The following ZMYM4 variants were observed in gnomAD, a reference collection of about 807,000 sequenced individuals.
ZMYM4 encodes zinc finger MYM-type protein 4.
ZMYM4 carries 31 observed loss-of-function variants against 183.2 expected under a neutral mutation model. The ratio of observed to expected loss-of-function variants is 0.17; its 90% confidence interval spans 0.13 to 0.23. The LOEUF is 0.23. ZMYM4 is among the 10% of genes least tolerant of loss of function. The pLI is 1.00. For missense variants in ZMYM4, 1,273 were observed against 1,840.3 expected, an observed-to-expected ratio of 0.69 and a Z score of 5.64; for synonymous variants, 592 against 631.2, an observed-to-expected ratio of 0.94 and a Z score of 0.93.
chr1:35,305,491 G>A (rs11264133), intron 1 of ZMYM4, among the ~76,000 whole-genome samples: 9,701 of 151,792 alleles, frequency 0.064, 936 homozygotes, highest in East Asian at 0.45. Context: ...AAAGTGTTGG[G>A]ATTACAGACT....
chr1:35,386,023 T>C (rs368072006), intron 10 of ZMYM4, 51 bp from the exon 11 acceptor site: 7 of 1,304,830 alleles, frequency 5.4e-6, no homozygotes, highest in East Asian at 2.3e-5. Flanking sequence ...TCTCATACTT[T>C]TGTGTACATT....
rs963689168 is a variant in ZMYM4, at chr1:35,421,032, C to G, written c.*1355C>G. On this transcript the variant is annotated 3_prime_UTR_variant, in exon 30 of 30. Transcript: ENST00000314607. Reference sequence around the variant, plus strand: ...GGAATCAAAGCTTTTATGACGTTTGCCAATTGCAGAACTTCTTCAGCTAAG... The same window carrying G: ...GGAATCAAAGCTTTTATGACGTTTGGCAATTGCAGAACTTCTTCAGCTAAG... The G allele has an allele frequency of 2.0e-5, 3 of 152,236 alleles. No homozygotes were observed. Among genetic ancestry groups the G allele is most frequent in the African/African-American group, 4.8e-5 (2 of 41,426 alleles). 9.4% of individuals were successfully genotyped at this position (152,236 alleles called of 1,614,324 possible).
chr1:35,387,317 C>A, intron 12 of ZMYM4, 39 bp downstream of exon 12: 1 of 1,597,358 alleles, frequency 6.3e-7, no homozygotes, highest in Non-Finnish European at 8.5e-7. Flanking sequence ...TTTGAGTATA[C>A]GTGGGTCTAT....
At chr1:35,367,547 G>A (rs1305836648) in intron 5 of ZMYM4, among the ~76,000 whole-genome samples, 1 of 152,096 alleles carries the variant, frequency 6.6e-6, no homozygotes, top group East Asian at 1.9e-4. Flanking sequence ...CCTACAATTA[G>A]TTTCGTTAGG....
At chr1:35,415,383 T>C in intron 27 of ZMYM4, 83 bp from the exon 28 acceptor site, 1 of 1,552,238 alleles carries the variant, frequency 6.4e-7, no homozygotes, top group Non-Finnish European at 8.8e-7. Context: ...TCTTTATATC[T>C]CCCTGTCTTA....
intron 15 of ZMYM4, 81 bp from the exon 16 acceptor site, chr1:35,392,131 T>G (rs1183768589): frequency 6.3e-7 from 1 of 1,576,266 alleles, no homozygotes; most frequent in Non-Finnish European, 8.7e-7. Context: ...CTGAAAACAT[T>G]GTTTAACTTC....
intron 2 of ZMYM4, among the ~76,000 whole-genome samples, chr1:35,345,697 T>A (rs1643367425): frequency 6.6e-6 from 1 of 152,230 alleles, no homozygotes; most frequent in Non-Finnish European, 1.5e-5. Flanking sequence ...TCCGCCTGCC[T>A]TGGCCTCCCA....
At chr1:35,412,991 C>T (rs1009150568) in intron 26 of ZMYM4, among the ~76,000 whole-genome samples, 2 of 152,014 alleles carry the variant, frequency 1.3e-5, no homozygotes, top group Non-Finnish European at 2.9e-5. Flanking sequence ...CCTTGGATTC[C>T]GTTACTACTC....
rs1412904291 is a variant in ZMYM4 at position 35,421,426 on chromosome 1, T to C, written c.*1749T>C. On this transcript the variant is annotated 3_prime_UTR_variant, in exon 30 of 30. Coordinates refer to ENST00000314607, the MANE Select transcript of ZMYM4 (RefSeq NM_005095.3). ...ACAAATAATTGGATTGTCTGATAAG[T>C]CTGCCAATAAACTATCCAGAAATAG... 8 of 152,670 alleles carry C rather than the reference T, an allele frequency of 5.2e-5. No homozygotes were observed. Among genetic ancestry groups the C allele is most frequent in the Admixed American group, 3.3e-4 (5 of 15,284 alleles). 9.5% of individuals were successfully genotyped at this position (152,670 alleles called of 1,614,324 possible).
chr1:35,297,799 C>T (rs1394065467), intron 1 of ZMYM4, among the ~76,000 whole-genome samples: 1 of 152,192 alleles, frequency 6.6e-6, no homozygotes, highest in Non-Finnish European at 1.5e-5. Context: ...TGCTTGAGCC[C>T]TATACTCAAG....
rs780055467 is a variant in ZMYM4 at position 35,405,373 on chromosome 1, G to A, written c.3701G>A (p.Gly1234Glu). The change falls in exon 25 of 30, where the codon GGG (glycine) becomes GAG (glutamate). Residue 1234 changes from glycine (G) to glutamate (E), a missense_variant and splice_region_variant. This residue lies in a region of ZMYM4 where 133 missense variants were observed against 155.7 expected (regional missense o/e 0.85). Coordinates refer to ENST00000314607, the MANE Select transcript of ZMYM4 (RefSeq NM_005095.3). ...TCTTTTATGTTTCTCTCCTTGTCAG[G>A]GGTTGAACAGGCCTCATCTAGCCCA... ...KEEQGDLKCG[G>E]VEQASSSPRS... 1 of 1,603,486 alleles carries A rather than the reference G, an allele frequency of 6.2e-7. No individual in the cohort carries two copies. Among genetic ancestry groups the A allele is most frequent in the Non-Finnish European group, 8.5e-7 (1 of 1,177,462 alleles).
At chr1:35,337,011 A>G (rs968156192) in intron 2 of ZMYM4, among the ~76,000 whole-genome samples, 1 of 152,114 alleles carries the variant, frequency 6.6e-6, no homozygotes, top group Non-Finnish European at 1.5e-5. Flanking sequence ...CCCTTCTGTC[A>G]TAATTGTAAG....
At chr1:35,416,397 A>G (rs16837333) in intron 28 of ZMYM4, among the ~76,000 whole-genome samples, 7,287 of 152,270 alleles carry the variant, frequency 0.048, 817 homozygotes, top group East Asian at 0.43. Flanking sequence ...GAATGTGAGA[A>G]TTTAAATCAC....
At chr1:35,281,293 A>G (rs1399041277) in intron 1 of ZMYM4, among the ~76,000 whole-genome samples, 1 of 152,170 alleles carries the variant, frequency 6.6e-6, no homozygotes, top group African/African-American at 2.4e-5. Flanking sequence ...CAAAAAAAAA[A>G]AAAAATTACC....
intron 11 of ZMYM4, among the ~76,000 whole-genome samples, chr1:35,386,733 C>T (rs1644586035): frequency 1.3e-5 from 2 of 152,120 alleles, no homozygotes; most frequent in Admixed American, 1.3e-4. Context: ...AATTTAACTG[C>T]CTTCTATAAA....
At position 35,398,434 on chromosome 1, in the gene ZMYM4, A is replaced by G; in HGVS notation, c.3221A>G (p.Glu1074Gly). 6.2e-7 allele frequency: 1 copy of G among 1,611,772 alleles called. No individual in the cohort carries two copies. Among genetic ancestry groups the G allele is most frequent in the South Asian group, 1.1e-5 (1 of 90,468 alleles). Residue 1074 changes from glutamate to glycine, a missense_variant, in exon 21 of 30, where the codon GAA becomes GGA. This residue lies in a region of ZMYM4 where 290 missense variants were observed against 353.3 expected (regional missense o/e 0.82). Coordinates refer to ENST00000314607, the MANE Select transcript of ZMYM4 (RefSeq NM_005095.3). ...TTAGAGTCCCAAACTTCTGAACACG[A>G]ACTCTTTCTAGACACCAAGATATTT... ...SQGESQTSEHELFLDTKIFEK... is the reference protein window; with the variant it reads ...SQGESQTSEHGLFLDTKIFEK...
intron 2 of ZMYM4, among the ~76,000 whole-genome samples, chr1:35,335,315 C>A (rs989739407): frequency 6.6e-6 from 1 of 151,896 alleles, no homozygotes; most frequent in East Asian, 1.9e-4. Flanking sequence ...CGGCTCACTG[C>A]GATCTCTGCT....
At chr1:35,367,783 C>G (rs1042124327) in intron 5 of ZMYM4, among the ~76,000 whole-genome samples, 2 of 151,960 alleles carry the variant, frequency 1.3e-5, no homozygotes, top group Non-Finnish European at 2.9e-5. Context: ...CAAGACCAGC[C>G]TGGCCAACAT....
chr1:35,381,188 T>G (rs1445847025), intron 7 of ZMYM4, 71 bp from the exon 8 acceptor site: 1 of 1,284,970 alleles, frequency 7.8e-7, no homozygotes, highest in Non-Finnish European at 1.1e-6. Context: ...TTTATTTAGT[T>G]ATTTTAGCTC....
Sources: gnomAD v4.1 joint callset for allele counts (sites outside exome capture counted in the v4.1 genomes callset) on GRCh38, gnomAD v4.1.1 for gene constraint, gnomAD v4.1.1 regional missense constraint, MANE v1.5 for transcripts, NCBI Gene and HGNC (gene_info 2026-07-23, HGNC 2026-07-21) for gene names.